The following WAS variants were observed in gnomAD, a reference collection of about 807,000 sequenced individuals.
WAS encodes WASP actin nucleation promoting factor, also known as actin nucleation-promoting factor WAS.
In WAS, 1 loss-of-function variant was observed where a neutral mutation model predicts 38.9. The observed-to-expected ratio is 0.03, with a 90% CI of 0.01 to 0.12. The LOEUF (loss-of-function observed/expected upper bound fraction) is 0.12. WAS is among the 10% of genes least tolerant of loss of function. WAS has a pLI of 1.00. For missense variants in WAS, 311 were observed against 431.2 expected, an observed-to-expected ratio of 0.72 and a Z score of 2.47; for synonymous variants, 182 against 173.6, an observed-to-expected ratio of 1.05 and a Z score of -0.38.
upstream of WAS, among the ~76,000 whole-genome samples, chrX:48,680,904 T>TTG (rs782452222): frequency 4.5e-5 from 5 of 111,634 alleles, no homozygotes; most frequent in African/African-American, 1.6e-4. Flanking sequence ...AACCAGCAAA[T>TTG]ATATCAGAGG....
In WAS at chrX:48,689,321, C is replaced by A; in HGVS notation, c.1340C>A (p.Thr447Asn). The change falls in exon 11 of 12, where the codon ACC (threonine) becomes AAC (asparagine). Residue 447 changes from threonine to asparagine, a missense_variant and splice_region_variant. Physicochemically the swap from Thr to Asn is moderately conservative, Grantham distance 65 (BLOSUM62 0). Transcript: ENST00000376701. ...TGTGCTGATCCCTGCCTGCTGCAGA[C>A]CCCTGGGGCCCCAGAGAGCTCAGCG... ...QIRQGIQLNK[T>N]PGAPESSALQ... 1 of 1,199,118 alleles carries A rather than the reference C, an allele frequency of 8.3e-7. No homozygotes were observed. The highest frequency in any genetic ancestry group is 1.1e-6 in the Non-Finnish European group (1 of 888,839).
intron 7 of WAS, 71 bp from the exon 8 acceptor site, chrX:48,687,983 A>G (rs1557006960): frequency 1.8e-6 from 2 of 1,103,613 alleles, no homozygotes; most frequent in Non-Finnish European, 1.2e-6. Context: ...GGAGAGGGCA[A>G]GAGGGTTTCA....
Position 48,685,833 on chromosome X carries a change from G to A in WAS, c.460G>A (p.Gly154Arg). Residue 154 changes from glycine (G) to arginine (R), a missense_variant, in exon 4 of 12, where the codon GGA becomes AGA. Physicochemically the swap from Gly to Arg is moderately radical, Grantham distance 125. Coordinates refer to ENST00000376701, the MANE Select transcript of WAS (RefSeq NM_000377.3). ...ACAAAAAAGGAATCAGAGGCAAAGT[G>A]GAGGTGAGGAGGCCACAGGGGAGGA... is the stretch of plus-strand genomic sequence containing the variant. ...KIQKRNQRQSGDRRQLPPPPT... is the reference protein window; with the variant it reads ...KIQKRNQRQSRDRRQLPPPPT... 1.7e-6 allele frequency: 2 copies of A among 1,200,089 alleles called. No individual in the cohort carries two copies. Among genetic ancestry groups the A allele is most frequent in the East Asian group, 3.0e-5 (1 of 33,146 alleles).
chrX:48,685,132 C>A (rs1420897366), intron 2 of WAS, among the ~76,000 whole-genome samples: 4 of 110,909 alleles, frequency 3.6e-5, no homozygotes, highest in African/African-American at 9.9e-5. Context: ...GGACTCCCCG[C>A]GAAACTCCCA....
upstream of WAS, among the ~76,000 whole-genome samples, chrX:48,679,311 C>T (rs182594579): frequency 0.013 from 1,462 of 111,643 alleles, 30 homozygotes; most frequent in Admixed American, 0.071. Context: ...GGGTGAGCCA[C>T]CACGCCCAGC....
chrX:48,691,009 T>G, intron 11 of WAS, 98 bp from the exon 12 acceptor site: 43 of 770,820 alleles, frequency 5.6e-5, no homozygotes, highest in Non-Finnish European at 7.4e-5. Context: ...TCCTCTAGCA[T>G]GAGACCTCAG....
chrX:48,691,032 C>A, intron 11 of WAS, 75 bp from the exon 12 acceptor site: 1 of 975,030 alleles, frequency 1.0e-6, no homozygotes, highest in Non-Finnish European at 1.5e-6. Context: ...CCCCAGGGTC[C>A]AGTCCTCACC....
At chrX:48,680,311 A>T (rs1557005639), upstream of WAS, among the ~76,000 whole-genome samples, 1 of 111,164 alleles carries the variant, frequency 9.0e-6, no homozygotes, top group African/African-American at 3.3e-5. Flanking sequence ...TGTAAAAGGG[A>T]AGGGCAAATA....
Position 48,688,906 on chromosome X carries a change from T to TGCCACC in WAS, c.1179_1184dup (p.Pro403_Pro404dup). 9.0e-7 allele frequency: 1 copy of TGCCACC among 1,116,219 alleles called. No individual in the cohort carries two copies. Among genetic ancestry groups the TGCCACC allele is most frequent in the Non-Finnish European group, 1.2e-6 (1 of 841,863 alleles). 92.0% of individuals were successfully genotyped at this position (1,116,219 alleles called of 1,213,427 possible). On this transcript the variant is annotated inframe_insertion, in exon 10 of 12. Coordinates refer to ENST00000376701, the MANE Select transcript of WAS (RefSeq NM_000377.3). ...CCCCCTGGAGCTGGTGGGCCACCCATGCCACCACCACCGCCACCACCGCCA... is the reference window on the plus strand; with the variant it reads ...CCCCCTGGAGCTGGTGGGCCACCCATGCCACCGCCACCACCACCGCCACCACCGCCA...
rs782070061 is a variant in WAS at position 48,688,368 on chromosome X, C to T, written c.846C>T (p.Thr282=). Residue 282 remains threonine, a synonymous_variant, in exon 9 of 12, where the codon ACC becomes ACT. Coordinates refer to ENST00000376701, the MANE Select transcript of WAS (RefSeq NM_000377.3). ...CAGGAATCAGCGAGGCCCAGCTCAC[C>T]GACGCCGAGACCTCTAAACTTATCT... The part of the protein sequence containing the change: ...SRAGISEAQL[T]DAETSKLIYD... The T allele has an allele frequency of 5.8e-6, 7 of 1,208,075 alleles. No homozygotes were observed. The highest frequency in any genetic ancestry group is 3.0e-5 in the East Asian group (1 of 33,715).
At chrX:48,684,500 A>G in intron 2 of WAS, 77 bp downstream of exon 2, 2 of 1,132,237 alleles carry the variant, frequency 1.8e-6, no homozygotes, top group African/African-American at 1.8e-5. Context: ...ATATGTGTCC[A>G]TAGCTTCAAG....
At chrX:48,687,032 T>C in intron 7 of WAS, 77 bp downstream of exon 7, 1 of 1,119,708 alleles carries the variant, frequency 8.9e-7, no homozygotes, top group African/African-American at 1.8e-5. Flanking sequence ...GCTGAGTGAA[T>C]GGAAGGATGG....
At chrX:48,682,294 G>A (rs781848217), upstream of WAS, among the ~76,000 whole-genome samples, 11 of 112,072 alleles carry the variant, frequency 9.8e-5, no homozygotes, top group Non-Finnish European at 1.7e-4. Context: ...CTGTATGGCA[G>A]TGGAAATAAA....
chrX:48,691,287 C>G lies in WAS; in HGVS notation c.*125C>G, dbSNP rs2062439231. 1.6e-6 allele frequency: 1 copy of G among 624,580 alleles called. No individual in the cohort carries two copies. Among genetic ancestry groups the G allele is most frequent in the Admixed American group, 2.7e-5 (1 of 36,998 alleles). The allele number at this position is 624,580 out of a possible 1,213,427, so 51.5% of individuals were successfully genotyped here. A position where few individuals can be genotyped will look rare whatever the true frequency, so the allele number is the denominator to read the frequency against. Reference sequence around the variant, plus strand: ...AACCCCCCATTTCTTCCCCACCAACCCCTCCAATGCTGTTATCCCTGCCTG... The same window carrying G: ...AACCCCCCATTTCTTCCCCACCAACGCCTCCAATGCTGTTATCCCTGCCTG... On this transcript the variant is annotated 3_prime_UTR_variant, in exon 12 of 12. Coordinates refer to ENST00000376701, the MANE Select transcript of WAS (RefSeq NM_000377.3).
In WAS at chrX:48,686,256, C is replaced by A. The variant is rs782334266; in HGVS notation, c.559+122C>A. On this transcript the variant is annotated intron_variant, in intron 6 of 11. Transcript: ENST00000376701. Reference sequence around the variant, plus strand: ...GTAGATTGATAGGTATGTGGATGGACGAGCAGGTGCATGGATGTGTGGACT... The same window carrying A: ...GTAGATTGATAGGTATGTGGATGGAAGAGCAGGTGCATGGATGTGTGGACT... The A allele has an allele frequency of 2.3e-5, 20 of 854,166 alleles. No individual in the cohort carries two copies. The South Asian group carries it at 4.3e-4, about 18-fold the overall frequency. 70.4% of individuals were successfully genotyped at this position (854,166 alleles called of 1,213,427 possible). A position where few individuals can be genotyped will look rare whatever the true frequency, so the allele number is the denominator to read the frequency against.
rs782024402 is a variant in WAS, at chrX:48,688,835, A to G, written c.1107A>G (p.Pro369=). 3 of 859,128 alleles carry G rather than the reference A, an allele frequency of 3.5e-6. No homozygotes were observed. The African/African-American group carries it at 8.4e-5, about 24-fold the overall frequency. The allele number at this position is 859,128 out of a possible 1,213,427, so 70.8% of individuals were successfully genotyped here. Residue 369 remains proline (P), a synonymous_variant, in exon 10 of 12, where the codon CCA becomes CCG. Transcript: ENST00000376701. ...PPPPGRGGPP[P]PPPPATGRSG... is the part of the protein sequence containing the mutation. ...CCCCAGGCCGAGGGGGCCCTCCACC[A>G]CCACCCCCTCCAGCTACTGGACGTT...
At chrX:48,683,798 C>T, upstream of WAS, 1 of 1,193,649 alleles carries the variant, frequency 8.4e-7, no homozygotes, top group Non-Finnish European at 1.1e-6. Flanking sequence ...TGCGGAAGTT[C>T]CTCTTCTTAC....
chrX:48,689,529 C>G (rs2062433091), intron 11 of WAS, 95 bp downstream of exon 11: 1 of 745,136 alleles, frequency 1.3e-6, no homozygotes, highest in East Asian at 3.5e-5. Context: ...TGACATCAGC[C>G]CCATCTGTTT....
At chrX:48,682,256 C>T (rs1282021354), upstream of WAS, among the ~76,000 whole-genome samples, 1 of 111,840 alleles carries the variant, frequency 8.9e-6, no homozygotes, top group Non-Finnish European at 1.9e-5. Flanking sequence ...ATATGGACAC[C>T]CAGGCTGCAC....
Sources: gnomAD v4.1 joint callset for allele counts (sites outside exome capture counted in the v4.1 genomes callset) on GRCh38, gnomAD v4.1.1 for gene constraint, MANE v1.5 for transcripts, NCBI Gene and HGNC (gene_info 2026-07-23, HGNC 2026-07-21) for gene names.